The following UBR3 variants were observed in gnomAD, a reference collection of about 807,000 sequenced individuals.
The protein encoded by UBR3 is E3 ubiquitin-protein ligase UBR3.
Under a neutral mutation model 243.2 loss-of-function variants are expected in UBR3, and 85 were observed. The observed-to-expected ratio is 0.35, with a 90% CI of 0.29 to 0.42. UBR3 has a LOEUF of 0.42. Among genes scored for constraint, UBR3 ranks in the 10% least tolerant of loss-of-function variants. The pLI is 1.00. For missense variants in UBR3, 1,686 were observed against 2,300.8 expected (o/e 0.73, Z 5.47); for synonymous variants, 748 against 799.8 (o/e 0.94, Z 1.09).
chr2:169,834,833 AAG>A (rs1457170960), intron 1 of UBR3, among the ~76,000 whole-genome samples: 1 of 152,226 alleles, frequency 6.6e-6, no homozygotes, highest in African/African-American at 2.4e-5. Context: ...TAACCTTAAA[AAG>A]TAATAAAATT....
At chr2:169,989,173 T>C (rs2089166025) in intron 25 of UBR3, among the ~76,000 whole-genome samples, 1 of 152,204 alleles carries the variant, frequency 6.6e-6, no homozygotes, top group Non-Finnish European at 1.5e-5. Flanking sequence ...AAATTCAGTG[T>C]TTCTGTTAAA....
chr2:170,066,095 A>T (rs1233610546), intron 35 of UBR3, among the ~76,000 whole-genome samples: 2 of 152,130 alleles, frequency 1.3e-5, no homozygotes, highest in African/African-American at 4.8e-5. Flanking sequence ...CTGTCCTGCT[A>T]AATTCAGTTA....
At chr2:169,930,238 T>A (rs1319468160) in intron 18 of UBR3, among the ~76,000 whole-genome samples, 4 of 152,292 alleles carry the variant, frequency 2.6e-5, no homozygotes, top group African/African-American at 9.6e-5. Flanking sequence ...ATCTGCTTTT[T>A]AAAACAAGCT....
chr2:169,985,474 G>A (rs944994573), intron 24 of UBR3, among the ~76,000 whole-genome samples: 6 of 151,502 alleles, frequency 4.0e-5, no homozygotes, highest in African/African-American at 7.3e-5. Context: ...CAGGTGATCC[G>A]CCCGCCTCAG....
intron 10 of UBR3, among the ~76,000 whole-genome samples, chr2:169,913,214 T>A (rs1481447583): frequency 6.6e-6 from 1 of 152,232 alleles, no homozygotes; most frequent in East Asian, 1.9e-4. Context: ...CTAGTTGGTG[T>A]GAATTGGTAT....
In UBR3 at chr2:169,914,047, C is replaced by T. The variant is rs1363885058; in HGVS notation, c.1780-13C>T. 4 of 1,339,308 alleles carry T rather than the reference C, an allele frequency of 3.0e-6. No homozygotes were observed. In the East Asian group the frequency reaches 1.1e-4, roughly 37 times the overall value. 83.0% of individuals were successfully genotyped at this position (1,339,308 alleles called of 1,614,324 possible). A position where few individuals can be genotyped will look rare whatever the true frequency, so the allele number is the denominator to read the frequency against. On this transcript the variant is annotated splice_polypyrimidine_tract_variant and intron_variant, in intron 10 of 38. Coordinates refer to ENST00000272793, the MANE Select transcript of UBR3 (RefSeq NM_172070.4). ...TATATCATAAATTTATTATATATAA[C>T]TTACTATTTTAGGAAACTCAAGAGT...
chr2:170,032,393 G>T (rs2090696392), intron 31 of UBR3, among the ~76,000 whole-genome samples: 1 of 151,928 alleles, frequency 6.6e-6, no homozygotes, highest in East Asian at 1.9e-4. Context: ...ATTCACATGA[G>T]AAATAATTAT....
chr2:170,058,197 TC>T (rs1357419323), intron 33 of UBR3, among the ~76,000 whole-genome samples: 2 of 152,200 alleles, frequency 1.3e-5, no homozygotes, highest in Admixed American at 6.5e-5. Flanking sequence ...CTTCCTTTCT[TC>T]CTTTCTTCAT....
At chr2:169,961,339 A>G (rs1559136386) in intron 24 of UBR3, among the ~76,000 whole-genome samples, 1 of 151,526 alleles carries the variant, frequency 6.6e-6, no homozygotes, top group East Asian at 1.9e-4. Flanking sequence ...CAATTCAAGT[A>G]TATATATACA....
At chr2:169,835,518 G>A (rs990280664) in intron 1 of UBR3, among the ~76,000 whole-genome samples, 1 of 152,180 alleles carries the variant, frequency 6.6e-6, no homozygotes, top group South Asian at 2.1e-4. Context: ...TCGGCTCACT[G>A]CAACCTCTGC....
chr2:170,054,634 GCTTA>G (rs2091293505), intron 32 of UBR3, among the ~76,000 whole-genome samples: 1 of 152,060 alleles, frequency 6.6e-6, no homozygotes, highest in Non-Finnish European at 1.5e-5. Flanking sequence ...TGTTGCCCAG[GCTTA>G]TTGCTATAGT....
intron 22 of UBR3, 200 bp from the exon 23 acceptor site, chr2:169,949,405 A>G (rs2086918099): frequency 4.1e-6 from 2 of 489,922 alleles, no homozygotes; most frequent in South Asian, 3.4e-5. Context: ...TCTCCTCCTT[A>G]TTACTGTTTC....
chr2:169,994,200 T>G, intron 25 of UBR3, 123 bp from the exon 26 acceptor site: 1 of 1,178,988 alleles, frequency 8.5e-7, no homozygotes, highest in Non-Finnish European at 1.2e-6. Flanking sequence ...TGAGGGGTCT[T>G]TAAAAATATT....
intron 25 of UBR3, 91 bp from the exon 26 acceptor site, chr2:169,994,231 GT>G (rs2089400350): frequency 2.1e-6 from 3 of 1,418,612 alleles, no homozygotes; most frequent in Non-Finnish European, 2.9e-6. Context: ...AATAATTTGA[GT>G]TGCTTGTGGT....
At chr2:170,050,456 T>C (rs549755409) in intron 32 of UBR3, among the ~76,000 whole-genome samples, 5 of 152,340 alleles carry the variant, frequency 3.3e-5, no homozygotes, top group African/African-American at 1.2e-4. Context: ...ACCTGTGTGC[T>C]CTTCCCCTAG....
intron 19 of UBR3, among the ~76,000 whole-genome samples, chr2:169,939,757 T>C (rs2086507496): frequency 6.6e-6 from 1 of 151,540 alleles, no homozygotes; most frequent in African/African-American, 2.4e-5. Context: ...AAAGACAGGG[T>C]TTCATCATGT....
At chr2:169,867,341 T>G (rs2083294491) in intron 1 of UBR3, among the ~76,000 whole-genome samples, 1 of 152,194 alleles carries the variant, frequency 6.6e-6, no homozygotes, top group South Asian at 2.1e-4. Context: ...ATCTTAGATA[T>G]AATTATACTT....
chr2:169,911,991 A>G (rs2105337409), intron 10 of UBR3, among the ~76,000 whole-genome samples: 1 of 152,322 alleles, frequency 6.6e-6, no homozygotes, highest in South Asian at 2.1e-4. Flanking sequence ...GATTGTGGCA[A>G]TGGAAATAAG....
intron 29 of UBR3, chr2:170,014,166 A>G (rs1172721402): frequency 1.2e-5 from 2 of 168,486 alleles, no homozygotes; most frequent in Non-Finnish European, 2.6e-5. Flanking sequence ...GCAAATGTAC[A>G]GACTTAGGAA....
Sources: gnomAD v4.1 joint callset for allele counts (sites outside exome capture counted in the v4.1 genomes callset) on GRCh38, gnomAD v4.1.1 for gene constraint, MANE v1.5 for transcripts, NCBI Gene and HGNC (gene_info 2026-07-23, HGNC 2026-07-21) for gene names.